Variants in QTMAN observed in about 807,000 individuals in gnomAD.
The protein encoded by QTMAN is tRNA-queuosine alpha-mannosyltransferase.
chr2:143,973,661 C>T, the QTMAN span, among the ~76,000 whole-genome samples: 1 of 151,804 alleles, frequency 6.6e-6, no homozygotes, highest in African/African-American at 2.4e-5. Flanking sequence ...TGGTGGCGCA[C>T]GCTTGTAGTC....
chr2:144,221,186 T>TAA, the QTMAN span, among the ~76,000 whole-genome samples: 1 of 152,238 alleles, frequency 6.6e-6, no homozygotes, highest in East Asian at 1.9e-4. Context: ...AGCTTTGCTT[T>TAA]AAAGTATTAG....
the QTMAN span, among the ~76,000 whole-genome samples, chr2:144,102,788 C>T: frequency 1.3e-5 from 2 of 152,176 alleles, no homozygotes; most frequent in South Asian, 2.1e-4. Flanking sequence ...CAGCACATTG[C>T]TTACAGTGTT....
chr2:144,052,714 C>A, the QTMAN span, among the ~76,000 whole-genome samples: 69 of 152,244 alleles, frequency 4.5e-4, no homozygotes, highest in African/African-American at 1.4e-3. Flanking sequence ...TGCGGTGGCA[C>A]GATCTTAGCT....
At chr2:144,252,547 T>A in the QTMAN span, among the ~76,000 whole-genome samples, 4 of 152,132 alleles carry the variant, frequency 2.6e-5, no homozygotes, top group African/African-American at 9.7e-5. Flanking sequence ...TACATACTTA[T>A]CAGAATAGCT....
the QTMAN span, among the ~76,000 whole-genome samples, chr2:144,161,729 A>G: frequency 1.3e-5 from 2 of 152,336 alleles, no homozygotes; most frequent in African/African-American, 2.4e-5. Context: ...AGTAATCACT[A>G]TAAGATTTTA....
the QTMAN span, among the ~76,000 whole-genome samples, chr2:144,299,687 A>T: frequency 6.6e-6 from 1 of 152,248 alleles, no homozygotes; most frequent in Non-Finnish European, 1.5e-5. Flanking sequence ...TGGTGGGAAT[A>T]CAAAATGGTG....
At chr2:144,306,651 G>A in the QTMAN span, among the ~76,000 whole-genome samples, 1 of 151,596 alleles carries the variant, frequency 6.6e-6, no homozygotes, top group Non-Finnish European at 1.5e-5. Context: ...CAGTCCATAA[G>A]AGCCCCCCAG....
the QTMAN span, among the ~76,000 whole-genome samples, chr2:143,974,653 A>G: frequency 6.6e-6 from 1 of 152,170 alleles, no homozygotes; most frequent in African/African-American, 2.4e-5. Flanking sequence ...GCATAGGTAT[A>G]CCGAAAGTTA....
the QTMAN span, among the ~76,000 whole-genome samples, chr2:144,051,340 G>A: frequency 6.6e-6 from 1 of 151,886 alleles, no homozygotes; most frequent in Non-Finnish European, 1.5e-5. Flanking sequence ...AGACCAACCT[G>A]GTCATTATGG....
chr2:144,177,543 A>G, the QTMAN span, among the ~76,000 whole-genome samples: 1 of 152,206 alleles, frequency 6.6e-6, no homozygotes, highest in South Asian at 2.1e-4. Context: ...CTCCCAAATC[A>G]GAGATGAACA....
the QTMAN span, among the ~76,000 whole-genome samples, chr2:144,288,183 T>G: frequency 6.6e-6 from 1 of 152,150 alleles, no homozygotes; most frequent in Non-Finnish European, 1.5e-5. Context: ...ACACAATTTA[T>G]ATCCAATCCT....
At chr2:144,223,473 CTT>C in the QTMAN span, among the ~76,000 whole-genome samples, 1 of 152,138 alleles carries the variant, frequency 6.6e-6, no homozygotes, top group Non-Finnish European at 1.5e-5. Flanking sequence ...TTTGTTGACT[CTT>C]TGTCCCAGAG....
chr2:144,233,485 C>T, the QTMAN span, among the ~76,000 whole-genome samples: 2 of 152,168 alleles, frequency 1.3e-5, no homozygotes, highest in African/African-American at 4.8e-5. Flanking sequence ...GTGGGAAAGA[C>T]TAAGGCTGCC....
chr2:144,222,549 G>A, the QTMAN span, among the ~76,000 whole-genome samples: 2 of 150,770 alleles, frequency 1.3e-5, no homozygotes, highest in African/African-American at 2.4e-5. Flanking sequence ...GCTCACACCT[G>A]TAATCCCAGC....
the QTMAN span, among the ~76,000 whole-genome samples, chr2:144,081,688 G>T: frequency 6.6e-6 from 1 of 152,156 alleles, no homozygotes; most frequent in South Asian, 2.1e-4. Context: ...GGGAAGACCT[G>T]CGGGGAACAG....
the QTMAN span, among the ~76,000 whole-genome samples, chr2:143,998,804 A>ATGAGGTTCCG: frequency 6.6e-6 from 1 of 152,220 alleles, no homozygotes; most frequent in African/African-American, 2.4e-5. Flanking sequence ...ATTTTAACAA[A>ATGAGGTTCCG]ATCTTGAAGG....
At chr2:144,048,827 C>T in the QTMAN span, among the ~76,000 whole-genome samples, 3 of 151,774 alleles carry the variant, frequency 2.0e-5, no homozygotes, top group Non-Finnish European at 4.4e-5. Flanking sequence ...CATACACACA[C>T]ACACACACAC....
At chr2:144,294,157 T>TC in the QTMAN span, among the ~76,000 whole-genome samples, 1 of 152,224 alleles carries the variant, frequency 6.6e-6, no homozygotes, top group Non-Finnish European at 1.5e-5. Context: ...TTCTTTATAA[T>TC]CCCATAATTC....
chr2:144,290,455 T>C, the QTMAN span, among the ~76,000 whole-genome samples: 2 of 152,204 alleles, frequency 1.3e-5, no homozygotes, highest in African/African-American at 4.8e-5. Flanking sequence ...TCTCTCTACC[T>C]TATCCCCATT....
Sources: allele counts gnomAD v4.1 joint callset (sites outside exome capture counted in the v4.1 genomes callset), GRCh38; gene constraint gnomAD v4.1.1; transcripts MANE v1.5; gene names NCBI Gene and HGNC (gene_info 2026-07-23, HGNC 2026-07-21).